The following YDJC variants were observed in gnomAD, a reference collection of about 807,000 sequenced individuals.
YDJC encodes carbohydrate deacetylase.
A neutral mutation model predicts 18.9 loss-of-function variants in YDJC; 23 were observed. That is an observed-to-expected ratio of 1.22 (90% confidence interval 0.87 to 1.72). The LOEUF (loss-of-function observed/expected upper bound fraction) is 1.72. Ranked by LOEUF, YDJC falls within the 40% of genes most tolerant of loss-of-function variation. YDJC has a pLI of 0.00. For synonymous variants in YDJC, 224 were observed against 217.6 expected (o/e 1.03, Z -0.26); for missense variants, 467 against 470.8 (o/e 0.99, Z 0.07).
Position 21,629,756 on chromosome 22 carries a change from C to A in YDJC, c.170G>T (p.Ser57Ile). 6.6e-7 allele frequency: 1 copy of A among 1,506,588 alleles called. No homozygotes were observed. Among genetic ancestry groups the A allele is most frequent in the Non-Finnish European group, 8.8e-7 (1 of 1,130,100 alleles). 93.3% of individuals were successfully genotyped at this position (1,506,588 alleles called of 1,614,324 possible). The change falls in exon 2 of 5, where the codon AGC becomes ATC. Residue 57 changes from serine to isoleucine, a missense_variant. By Grantham distance (142) the Ser-to-Ile change is moderately radical. Coordinates refer to ENST00000292778, the MANE Select transcript of YDJC (RefSeq NM_001017964.2). ...ESAAELARRHSIPTGLHANLS... is the reference protein window; with the variant it reads ...ESAAELARRHIIPTGLHANLS... ...GTTGGCGTGGAGGCCCGTGGGGATG[C>A]TGTGCCTGAGGGCGGAGCGCGAGCT...
intron 4 of YDJC, 86 bp from the exon 5 acceptor site, chr22:21,628,873 A>AGGGGGGGGGGGG: frequency 2.7e-6 from 1 of 377,300 alleles, no homozygotes; most frequent in Non-Finnish European, 4.3e-6. Flanking sequence ...GCGGGGTGGG[A>AGGGGGGGGGGGG]GGGGGTAACT....
At chr22:21,628,979 C>T in intron 4 of YDJC, 31 bp downstream of exon 4, 1 of 1,448,168 alleles carries the variant, frequency 6.9e-7, no homozygotes, top group Non-Finnish European at 9.0e-7. Context: ...ACAGAGGCAG[C>T]TATGGTAGGA....
In YDJC at chr22:21,628,197, T is replaced by C; in HGVS notation, c.*221A>G. The C allele has an allele frequency of 1.9e-6, 1 of 520,552 alleles. No homozygotes were observed. The highest frequency in any genetic ancestry group is 3.1e-6 in the Non-Finnish European group (1 of 327,210). The allele number at this position is 520,552 out of a possible 1,614,324, so 32.2% of individuals were successfully genotyped here. Reference sequence around the variant, plus strand: ...GGGGCACCAAATGCTCTGCGGGCCCTAGCCCGCTGCCACAGGCTAGGCCTG... The same window carrying C: ...GGGGCACCAAATGCTCTGCGGGCCCCAGCCCGCTGCCACAGGCTAGGCCTG... On this transcript the variant is annotated 3_prime_UTR_variant, in exon 5 of 5. Transcript: ENST00000292778.
Position 21,628,997 on chromosome 22 carries a change from C to CG in YDJC, c.602+12dup. The CG allele has an allele frequency of 6.9e-7, 1 of 1,456,900 alleles. No homozygotes were observed. The highest frequency in any genetic ancestry group is 9.0e-7 in the Non-Finnish European group (1 of 1,114,176). 90.2% of individuals were successfully genotyped at this position (1,456,900 alleles called of 1,614,324 possible). ...GAGGCAGCTATGGTAGGAGACGGGG[C>CG]GGGGAGCCTCACCGCAGGCCGTGGC... On this transcript the variant is annotated intron_variant, in intron 4 of 4. Transcript: ENST00000292778.
At position 21,628,838 on chromosome 22, in the gene YDJC, GGCT is replaced by G. The variant is rs1417610421; in HGVS notation, c.603-54_603-52del. On this transcript the variant is annotated intron_variant, in intron 4 of 4. Transcript: ENST00000292778. The stretch of plus-strand genomic sequence containing the variant: ...GGGACCAGGCCGGGCCATGGCCAAG[GGCT>G]AGGTAGGCTAGGGAAGGGACGGCGG... 1.2e-5 allele frequency: 17 copies of G among 1,433,896 alleles called. No individual in the cohort carries two copies. In the African/African-American group the frequency reaches 2.0e-4, roughly 17 times the overall value. 88.8% of individuals were successfully genotyped at this position (1,433,896 alleles called of 1,614,324 possible). A position where few individuals can be genotyped will look rare whatever the true frequency, so the allele number is the denominator to read the frequency against.
rs900064875 is a variant in YDJC, at chr22:21,629,420, C to G, written c.325-13G>C. On this transcript the variant is annotated splice_polypyrimidine_tract_variant and intron_variant, in intron 2 of 4. Transcript: ENST00000292778. ...GCTCCTCCCGCACCTAGAGGGCGAGCGAGAGACACCTTGAGCGACCGGGAG... is the reference window on the plus strand; with the variant it reads ...GCTCCTCCCGCACCTAGAGGGCGAGGGAGAGACACCTTGAGCGACCGGGAG... The G allele has an allele frequency of 1.3e-6, 2 of 1,544,990 alleles. No homozygotes were observed. Among genetic ancestry groups the G allele is most frequent in the Non-Finnish European group, 1.7e-6 (2 of 1,145,440 alleles).
In YDJC at chr22:21,628,547, C is replaced by T. The variant is rs567365212; in HGVS notation, c.843G>A (p.Thr281=). The change falls in exon 5 of 5, where the codon ACG becomes ACA. Residue 281 remains threonine (T), a synonymous_variant. Coordinates refer to ENST00000292778, the MANE Select transcript of YDJC (RefSeq NM_001017964.2). ...LHELRVLTAP[T]LRAQLAQDGV... ...CATCCTGGGCAAGCTGGGCCCGCAG[C>T]GTGGGCGCGGTGAGGACGCGCAGCT... 66 of 1,611,632 alleles carry T rather than the reference C, an allele frequency of 4.1e-5. No homozygotes were observed. The South Asian group carries it at 5.3e-4, about 13-fold the overall frequency.
chr22:21,628,364 C>G lies in YDJC; in HGVS notation c.*54G>C. ...CTCTGGGCTGGGCCAGGACTAAATC[C>G]TGGCTCCCCTTTCTTGGTACTAAGG... On this transcript the variant is annotated 3_prime_UTR_variant, in exon 5 of 5. Transcript: ENST00000292778. The G allele has an allele frequency of 6.8e-7, 1 of 1,479,212 alleles. No individual in the cohort carries two copies. 91.6% of individuals were successfully genotyped at this position (1,479,212 alleles called of 1,614,324 possible). A position where few individuals can be genotyped will look rare whatever the true frequency, so the allele number is the denominator to read the frequency against.
chr22:21,629,782 G>A (rs1930423087), intron 1 of YDJC, 21 bp from the exon 2 acceptor site: 17 of 1,472,658 alleles, frequency 1.2e-5, no homozygotes, highest in Non-Finnish European at 1.5e-5. Context: ...AGCGCGAGCT[G>A]GAGCACTAGC....
chr22:21,628,920 G>A, intron 4 of YDJC, 90 bp downstream of exon 4: 1 of 1,428,020 alleles, frequency 7.0e-7, no homozygotes, highest in African/African-American at 1.4e-5. Flanking sequence ...ACTCGCTTCC[G>A]GGTTGAGAAA....
chr22:21,629,992 A>G lies in YDJC; in HGVS notation c.23T>C (p.Leu8Pro), dbSNP rs752751141. Reference protein sequence around the residue: MSRPRMRLVVTADDFGYC... With the variant: MSRPRMRPVVTADDFGYC... ...ACCAAAGTCGTCCGCGGTGACCACC[A>G]GGCGCATGCGAGGGCGGGACATGGC... The change falls in exon 1 of 5, where the codon CTG (leucine) becomes CCG (proline). Residue 8 changes from leucine (L) to proline (P), a missense_variant. Physicochemically the swap from Leu to Pro is moderately conservative, Grantham distance 98. Coordinates refer to ENST00000292778, the MANE Select transcript of YDJC (RefSeq NM_001017964.2). The G allele has an allele frequency of 2.8e-5, 44 of 1,599,902 alleles. 1 individual carries two copies. In the East Asian group the frequency reaches 8.9e-4, roughly 32 times the overall value.
At position 21,629,085 on chromosome 22, in the gene YDJC, G is replaced by A; in HGVS notation, c.527C>T (p.Pro176Leu). ...CACGGCGCAGGCGAAGGCACGCGCG[G>A]GGGCCTCCAGCCAAGTGCAGCCACC... is the stretch of plus-strand genomic sequence containing the variant. The part of the protein sequence containing the change: ...GVGGCTWLEA[P>L]ARAFACAVER... The change falls in exon 4 of 5, where the codon CCC becomes CTC. Residue 176 changes from proline to leucine, a missense_variant. Physicochemically the swap from Pro to Leu is moderately conservative, Grantham distance 98. Transcript: ENST00000292778. 2 of 1,535,428 alleles carry A rather than the reference G, an allele frequency of 1.3e-6. No individual in the cohort carries two copies. The highest frequency in any genetic ancestry group is 1.2e-5 in the South Asian group (1 of 83,850).
Position 21,629,588 on chromosome 22 carries a change from C to T in YDJC, c.324+14G>A, listed in dbSNP as rs1930407718. On this transcript the variant is annotated intron_variant, in intron 2 of 4. Coordinates refer to ENST00000292778, the MANE Select transcript of YDJC (RefSeq NM_001017964.2). The stretch of plus-strand genomic sequence containing the variant: ...GGTCCTCGCGAGCATCCTCCTGTAG[C>T]TGCGGCTCCGCACCTGAGGCAAATC... 1.2e-6 allele frequency: 2 copies of T among 1,612,578 alleles called. No individual in the cohort carries two copies. The highest frequency in any genetic ancestry group is 1.3e-5 in the African/African-American group (1 of 75,070).
chr22:21,628,278 T>C lies in YDJC; in HGVS notation c.*140A>G. 1 of 1,218,394 alleles carries C rather than the reference T, an allele frequency of 8.2e-7. No individual in the cohort carries two copies. Among genetic ancestry groups the C allele is most frequent in the Non-Finnish European group, 1.1e-6 (1 of 913,728 alleles). 75.5% of individuals were successfully genotyped at this position (1,218,394 alleles called of 1,614,324 possible). ...GATGCCATTTGGAGGCATGAGGACCTGAGCCCAGAGGTGGCAGTGTCCTAC... is the reference window on the plus strand; with the variant it reads ...GATGCCATTTGGAGGCATGAGGACCCGAGCCCAGAGGTGGCAGTGTCCTAC... On this transcript the variant is annotated 3_prime_UTR_variant, in exon 5 of 5. Transcript: ENST00000292778.
chr22:21,629,780 C>G lies in YDJC; in HGVS notation c.165-19G>C. On this transcript the variant is annotated intron_variant, in intron 1 of 4. Coordinates refer to ENST00000292778, the MANE Select transcript of YDJC (RefSeq NM_001017964.2). ...GCTGTGCCTGAGGGCGGAGCGCGAG[C>G]TGGAGCACTAGCGGCCGCGGAGCCG... is the stretch of plus-strand genomic sequence containing the variant. The G allele has an allele frequency of 6.8e-7, 1 of 1,473,808 alleles. No individual in the cohort carries two copies. Among genetic ancestry groups the G allele is most frequent in the Non-Finnish European group, 9.0e-7 (1 of 1,115,888 alleles). 91.3% of individuals were successfully genotyped at this position (1,473,808 alleles called of 1,614,324 possible). A position where few individuals can be genotyped will look rare whatever the true frequency, so the allele number is the denominator to read the frequency against.
At chr22:21,628,974 G>A (rs1281619422) in intron 4 of YDJC, 36 bp downstream of exon 4, 3 of 1,445,916 alleles carry the variant, frequency 2.1e-6, no homozygotes, top group South Asian at 1.5e-5. Context: ...GAGGGACAGA[G>A]GCAGCTATGG....
At position 21,630,004 on chromosome 22, in the gene YDJC, G is replaced by A. The variant is rs1930439117; in HGVS notation, c.11C>T (p.Pro4Leu). The A allele has an allele frequency of 1.3e-6, 2 of 1,597,328 alleles. No homozygotes were observed. The highest frequency in any genetic ancestry group is 1.7e-6 in the Non-Finnish European group (2 of 1,176,448). The stretch of plus-strand genomic sequence containing the variant: ...CGCGGTGACCACCAGGCGCATGCGA[G>A]GGCGGGACATGGCCGCCTGGGTCCA... The part of the protein sequence containing the change: MSR[P>L]RMRLVVTADD... The change falls in exon 1 of 5, where the codon CCT becomes CTT. Residue 4 changes from proline (P) to leucine (L), a missense_variant. Transcript: ENST00000292778.
Position 21,628,416 on chromosome 22 carries a change from G to A in YDJC, c.*2C>T. The stretch of plus-strand genomic sequence containing the variant: ...GATTAGTGCTTGGTTGTCTGTAGGG[G>A]GTCAGAGTAGGGAGGGTTCCAGGAA... On this transcript the variant is annotated 3_prime_UTR_variant, in exon 5 of 5. Coordinates refer to ENST00000292778, the MANE Select transcript of YDJC (RefSeq NM_001017964.2). 2.6e-6 allele frequency: 4 copies of A among 1,536,002 alleles called. No individual in the cohort carries two copies. The highest frequency in any genetic ancestry group is 3.5e-6 in the Non-Finnish European group (4 of 1,137,626).
intron 3 of YDJC, 48 bp downstream of exon 3, chr22:21,629,259 GC>G: frequency 6.5e-7 from 1 of 1,549,940 alleles, no homozygotes; most frequent in Non-Finnish European, 8.7e-7. Flanking sequence ...TACTCCCCCA[GC>G]CCCGCCTGGG....
Sources: gnomAD v4.1 joint callset for allele counts on GRCh38, gnomAD v4.1.1 for gene constraint, MANE v1.5 for transcripts, NCBI Gene and HGNC (gene_info 2026-07-23, HGNC 2026-07-21) for gene names.